The following TF variants were observed in gnomAD, a reference collection of about 807,000 sequenced individuals.
The protein encoded by TF is transferrin.
TF carries 55 observed loss-of-function variants against 82.4 expected under a neutral mutation model. The ratio of observed to expected loss-of-function variants is 0.67; its 90% CI spans 0.54 to 0.84. The LOEUF (loss-of-function observed/expected upper bound fraction) is 0.84, where lower values mean the gene tolerates loss of function less well. TF is among the 40% of genes least tolerant of loss of function. The pLI, the probability that TF is intolerant of heterozygous loss-of-function variation, is 0.00. For missense variants in TF, 737 were observed against 868.4 expected, an observed-to-expected ratio of 0.85 and a Z score of 1.90; for synonymous variants, 332 against 332.6, an observed-to-expected ratio of 1.00 and a Z score of 0.02.
intron 1 of TF, chr3:133,748,084 T>G: frequency 5.1e-6 from 2 of 392,666 alleles, no homozygotes; most frequent in Middle Eastern, 7.7e-4. Context: ...TTATGTTCCA[T>G]GGGGGGCCAG....
upstream of TF, among the ~76,000 whole-genome samples, chr3:133,741,436 A>G (rs1258556995): frequency 6.6e-6 from 1 of 152,182 alleles, no homozygotes; most frequent in Non-Finnish European, 1.5e-5. Flanking sequence ...CTAAACTAGC[A>G]AGGGCCTCCC....
At chr3:133,748,778 A>T in intron 2 of TF, 194 bp downstream of exon 2, 1 of 708,560 alleles carries the variant, frequency 1.4e-6, no homozygotes, top group Non-Finnish European at 2.4e-6. Context: ...GTCAAAAAGC[A>T]CATTAACTTT....
chr3:133,733,330 G>T, the TF span, among the ~76,000 whole-genome samples: 7 of 152,220 alleles, frequency 4.6e-5, no homozygotes, highest in East Asian at 1.4e-3. Flanking sequence ...CACAGTTTGG[G>T]GCACAAAACT....
At chr3:133,696,098 T>C in the TF span, among the ~76,000 whole-genome samples, 1 of 152,174 alleles carries the variant, frequency 6.6e-6, no homozygotes, top group Non-Finnish European at 1.5e-5. Flanking sequence ...GAGGCCATAT[T>C]CACTTAACTT....
intron 5 of TF, 84 bp downstream of exon 5, chr3:133,755,579 C>T (rs1559870524): frequency 1.3e-6 from 2 of 1,585,722 alleles, no homozygotes; most frequent in Non-Finnish European, 1.7e-6. Context: ...CAAAGCCGAG[C>T]CCTGCCTGCC....
chr3:133,685,983 C>A, the TF span, among the ~76,000 whole-genome samples: 1 of 152,142 alleles, frequency 6.6e-6, no homozygotes, highest in Non-Finnish European at 1.5e-5. Flanking sequence ...CAGCATGGTA[C>A]TGGTACCAAA....
the TF span, among the ~76,000 whole-genome samples, chr3:133,675,242 CAAAAAAAAAAAAAAA>C: frequency 1.8e-5 from 1 of 55,452 alleles, no homozygotes; most frequent in African/African-American, 7.0e-5. Context: ...GAGACTCTGT[CAAAAAAAAAAAAAAA>C]AAAAAAAAAG....
At chr3:133,767,646 T>C (rs1934158993) in intron 12 of TF, among the ~76,000 whole-genome samples, 1 of 152,224 alleles carries the variant, frequency 6.6e-6, no homozygotes, top group African/African-American at 2.4e-5. Flanking sequence ...TAGCAAAGGC[T>C]CTTCTAATGA....
At chr3:133,689,602 G>A in the TF span, among the ~76,000 whole-genome samples, 1 of 152,134 alleles carries the variant, frequency 6.6e-6, no homozygotes, top group Non-Finnish European at 1.5e-5. Context: ...AAGAAAAGTA[G>A]CAGGGGAGTG....
At chr3:133,764,348 GT>G in intron 10 of TF, 73 bp downstream of exon 10, 1 of 1,266,250 alleles carries the variant, frequency 7.9e-7, no homozygotes, top group Admixed American at 1.7e-5. Context: ...AAAAATCACA[GT>G]CTGATTCATA....
chr3:133,753,524 A>T, intron 2 of TF, 71 bp from the exon 3 acceptor site: 1 of 1,357,840 alleles, frequency 7.4e-7, no homozygotes, highest in Non-Finnish European at 1.1e-6. Context: ...GCCACTCTCT[A>T]CTTGTGTGGG....
At chr3:133,695,230 C>T in the TF span, among the ~76,000 whole-genome samples, 1 of 148,616 alleles carries the variant, frequency 6.7e-6, no homozygotes, top group Admixed American at 6.7e-5. Context: ...CCCACCCTAG[C>T]CAGAGGAGCT....
the TF span, among the ~76,000 whole-genome samples, chr3:133,680,379 A>G: frequency 2.6e-5 from 4 of 151,390 alleles, no homozygotes; most frequent in African/African-American, 9.7e-5. Context: ...CTAATTTTGT[A>G]TTTTTTGTAG....
the TF span, among the ~76,000 whole-genome samples, chr3:133,672,994 A>G: frequency 6.6e-6 from 1 of 152,232 alleles, no homozygotes; most frequent in African/African-American, 2.4e-5. Flanking sequence ...GGTTAATAAT[A>G]TTTAAAACAA....
At chr3:133,756,219 T>C in intron 5 of TF, 63 bp from the exon 6 acceptor site, 1 of 1,530,776 alleles carries the variant, frequency 6.5e-7, no homozygotes, top group Non-Finnish European at 9.0e-7. Context: ...GTGATCAGAC[T>C]CTCCAGGTGC....
chr3:133,729,471 G>A, the TF span, among the ~76,000 whole-genome samples: 1 of 152,244 alleles, frequency 6.6e-6, no homozygotes, highest in African/African-American at 2.4e-5. Context: ...CCAGGTGTGG[G>A]ATATAATCTC....
At chr3:133,743,274 T>C (rs534485739), upstream of TF, among the ~76,000 whole-genome samples, 23 of 152,292 alleles carry the variant, frequency 1.5e-4, no homozygotes, top group Admixed American at 1.4e-3. Flanking sequence ...AAAAACATGA[T>C]ATTTTCTTCC....
chr3:133,763,189 G>A (rs1934038725), intron 9 of TF, among the ~76,000 whole-genome samples: 1 of 151,938 alleles, frequency 6.6e-6, no homozygotes, highest in Non-Finnish European at 1.5e-5. Flanking sequence ...GATGTGTAGA[G>A]GGAGTTATGG....
the TF span, among the ~76,000 whole-genome samples, chr3:133,720,896 AAC>A: frequency 1.3e-5 from 2 of 152,084 alleles, no homozygotes; most frequent in South Asian, 2.1e-4. Context: ...AATTATTCAT[AAC>A]AGTCTCTTAT....
Sources: allele counts gnomAD v4.1 joint callset (sites outside exome capture counted in the v4.1 genomes callset), GRCh38; gene constraint gnomAD v4.1.1; transcripts MANE v1.5; gene names NCBI Gene and HGNC (gene_info 2026-07-23, HGNC 2026-07-21).